GABRG3: variants seen among roughly 807,000 people sequenced by gnomAD.
GABRG3 encodes gamma-aminobutyric acid receptor subunit gamma-3.
Under a neutral mutation model 48.8 loss-of-function variants are expected in GABRG3, and 25 were observed. The observed-to-expected ratio is 0.51, with a 90% CI of 0.37 to 0.72. GABRG3 has a LOEUF of 0.72. Among genes scored for constraint, GABRG3 ranks in the 30% least tolerant of loss-of-function variants. The pLI, the probability that GABRG3 is intolerant of heterozygous loss-of-function variation, is 0.00. For synonymous variants in GABRG3, 227 were observed against 217.6 expected (o/e 1.04, Z -0.38); for missense variants, 394 against 577.9 (o/e 0.68, Z 3.26).
intron 3 of GABRG3, among the ~76,000 whole-genome samples, chr15:27,224,575 C>T (rs1566971064): frequency 1.3e-5 from 2 of 152,160 alleles, no homozygotes; most frequent in Non-Finnish European, 2.9e-5. Context: ...CCTCAGTTTC[C>T]TCACCTGAAT....
At chr15:27,278,866 T>C (rs1891342163) in intron 3 of GABRG3, among the ~76,000 whole-genome samples, 1 of 152,172 alleles carries the variant, frequency 6.6e-6, no homozygotes, top group Non-Finnish European at 1.5e-5. Context: ...TTTGTTTTGT[T>C]TTGTTTTGTT....
chr15:27,042,268 G>A (rs1005322296), intron 3 of GABRG3, among the ~76,000 whole-genome samples: 1 of 152,208 alleles, frequency 6.6e-6, no homozygotes, highest in African/African-American at 2.4e-5. Flanking sequence ...GACTTACACA[G>A]GAGCCAAGCA....
At chr15:27,081,465 T>C (rs1487798663) in intron 3 of GABRG3, among the ~76,000 whole-genome samples, 10 of 152,192 alleles carry the variant, frequency 6.6e-5, no homozygotes, top group Non-Finnish European at 1.5e-4. Context: ...TATTATTAAA[T>C]ATTCACTCAT....
intron 3 of GABRG3, among the ~76,000 whole-genome samples, chr15:27,141,615 G>T (rs1898104369): frequency 6.6e-6 from 1 of 152,204 alleles, no homozygotes; most frequent in African/African-American, 2.4e-5. Flanking sequence ...ATGGCTTGGT[G>T]TCACTCTAGG....
intron 5 of GABRG3, among the ~76,000 whole-genome samples, chr15:27,437,123 G>A (rs1233728204): frequency 6.6e-6 from 1 of 151,070 alleles, no homozygotes; most frequent in Admixed American, 6.6e-5. Context: ...TTATCACCAA[G>A]CATCTTTTAA....
intron 3 of GABRG3, among the ~76,000 whole-genome samples, chr15:27,050,211 G>C (rs1239847729): frequency 6.6e-6 from 1 of 152,226 alleles, no homozygotes; most frequent in Admixed American, 6.5e-5. Flanking sequence ...CACACAAAGA[G>C]ATTAGCCGTA....
chr15:27,056,010 T>A (rs1595497292), intron 3 of GABRG3, among the ~76,000 whole-genome samples: 2 of 152,140 alleles, frequency 1.3e-5, no homozygotes, highest in African/African-American at 4.8e-5. Flanking sequence ...TAATATTTTT[T>A]AAAAATTTGC....
intron 3 of GABRG3, among the ~76,000 whole-genome samples, chr15:27,104,482 T>C (rs1256480250): frequency 6.6e-6 from 1 of 152,144 alleles, no homozygotes; most frequent in Non-Finnish European, 1.5e-5. Flanking sequence ...TGTGTATGGG[T>C]TTTATTGAAA....
At chr15:27,028,555 C>G (rs991200923) in intron 3 of GABRG3, among the ~76,000 whole-genome samples, 4 of 152,110 alleles carry the variant, frequency 2.6e-5, no homozygotes, top group South Asian at 2.1e-4. Flanking sequence ...GCCTGTAATC[C>G]CAGCACTTTG....
chr15:27,038,194 AC>A (rs111750672), intron 3 of GABRG3, among the ~76,000 whole-genome samples: 29,649 of 152,002 alleles, frequency 0.2, 3,645 homozygotes, highest in South Asian at 0.33. Flanking sequence ...CAAGTCTAAG[AC>A]TGGGAAGTCC....
intron 3 of GABRG3, among the ~76,000 whole-genome samples, chr15:27,251,416 A>C (rs912567566): frequency 5.9e-5 from 9 of 152,152 alleles, no homozygotes; most frequent in Non-Finnish European, 1.2e-4. Flanking sequence ...ACGCAAAGGG[A>C]GCCCAGGAAA....
chr15:27,440,000 C>T (rs1888735505), intron 5 of GABRG3, among the ~76,000 whole-genome samples: 1 of 152,138 alleles, frequency 6.6e-6, no homozygotes, highest in Admixed American at 6.5e-5. Flanking sequence ...ATGTGCACAT[C>T]CCTGAATGGT....
At chr15:27,284,497 G>A (rs1045013489) in intron 3 of GABRG3, among the ~76,000 whole-genome samples, 5 of 152,148 alleles carry the variant, frequency 3.3e-5, no homozygotes, top group African/African-American at 9.7e-5. Context: ...CTACATTTCT[G>A]TGTCTCACAC....
At chr15:27,109,820 T>G (rs1203505222) in intron 3 of GABRG3, among the ~76,000 whole-genome samples, 3 of 152,160 alleles carry the variant, frequency 2.0e-5, no homozygotes, top group Non-Finnish European at 2.9e-5. Context: ...AGAGGGAGGT[T>G]GTAGTGAGTG....
intron 3 of GABRG3, among the ~76,000 whole-genome samples, chr15:27,046,180 G>T (rs895406014): frequency 6.6e-6 from 1 of 152,030 alleles, no homozygotes; most frequent in African/African-American, 2.4e-5. Context: ...CGCAACGTCC[G>T]TCTCCGGGGT....
rs999306164 is a variant in GABRG3, at chr15:27,533,736, C to T, written c.*855C>T. 1 of 152,110 alleles carries T rather than the reference C, an allele frequency of 6.6e-6. No individual in the cohort carries two copies. Among genetic ancestry groups the T allele is most frequent in the Non-Finnish European group, 1.5e-5 (1 of 68,028 alleles). The allele number at this position is 152,110 out of a possible 1,614,324, so 9.4% of individuals were successfully genotyped here. A position where few individuals can be genotyped will look rare whatever the true frequency, so the allele number is the denominator to read the frequency against. On this transcript the variant is annotated 3_prime_UTR_variant, in exon 10 of 10. Coordinates refer to ENST00000615808, the MANE Select transcript of GABRG3 (RefSeq NM_033223.5). ...AGCTTATGTTATATTATTATGGGTT[C>T]GGTAATTGTCATTTTGCAAAGAAAG...
chr15:27,313,260 GTGTATATATATATATA>G lies in GABRG3; in HGVS notation c.271-13547_271-13532del, dbSNP rs1189395055. Among the ~76,000 whole-genome samples the G allele has an allele frequency of 1.5e-3, 76 of 49,560 alleles. 3 individuals are homozygous for G. Among genetic ancestry groups the G allele is most frequent in the South Asian group, 8.1e-3 (9 of 1,108 alleles). The allele number at this position is 49,560 out of a possible 152,430, so 32.5% of individuals were successfully genotyped here. A position where few individuals can be genotyped will look rare whatever the true frequency, so the allele number is the denominator to read the frequency against. On this transcript the variant is annotated intron_variant, in intron 3 of 9. Coordinates refer to ENST00000615808, the MANE Select transcript of GABRG3 (RefSeq NM_033223.5). ...TATATATGTGTGTGTGTGTGTGTGT[GTGTATATATATATATA>G]TATATATATATATATATATATATAT...
At chr15:27,305,537 G>A (rs542867031) in intron 3 of GABRG3, among the ~76,000 whole-genome samples, 1 of 141,222 alleles carries the variant, frequency 7.1e-6, no homozygotes, top group African/African-American at 2.6e-5. Context: ...ATAAACCTAT[G>A]TTTATATATA....
At chr15:27,529,889 T>TAA (rs539243697) in intron 9 of GABRG3, among the ~76,000 whole-genome samples, 17 of 116,636 alleles carry the variant, frequency 1.5e-4, no homozygotes, top group African/African-American at 3.6e-4. Context: ...AGCAGAAAAT[T>TAA]AAAAAAAAAA....
Sources: gnomAD v4.1 joint callset for allele counts (sites outside exome capture counted in the v4.1 genomes callset) on GRCh38, gnomAD v4.1.1 for gene constraint, MANE v1.5 for transcripts, NCBI Gene and HGNC (gene_info 2026-07-23, HGNC 2026-07-21) for gene names.